RANBP3: variants seen among roughly 807,000 people sequenced by gnomAD.
The protein encoded by RANBP3 is ran-binding protein 3.
In RANBP3, 14 loss-of-function variants were observed where a neutral mutation model predicts 77.3. The observed-to-expected ratio is 0.18, with a 90% CI of 0.12 to 0.28. The LOEUF is 0.28. Among genes scored for constraint, RANBP3 ranks in the 10% least tolerant of loss-of-function variants. The pLI is 1.00. For synonymous variants in RANBP3, 315 were observed against 312.4 expected, an observed-to-expected ratio of 1.01 and a Z score of -0.09; for missense variants, 586 against 752.3, an observed-to-expected ratio of 0.78 and a Z score of 2.59.
intron 2 of RANBP3, among the ~76,000 whole-genome samples, chr19:5,954,896 A>G (rs953549277): frequency 6.6e-6 from 1 of 152,166 alleles, no homozygotes; most frequent in East Asian, 1.9e-4. Context: ...AAAGGACTCT[A>G]GGGCCATGTG....
At chr19:5,975,561 A>G (rs957247010) in intron 1 of RANBP3, among the ~76,000 whole-genome samples, 1 of 150,796 alleles carries the variant, frequency 6.6e-6, no homozygotes, top group Non-Finnish European at 1.5e-5. Flanking sequence ...TGTGCCAGGC[A>G]CCGTTCTAGA....
chr19:5,960,009 C>A (rs2058380364), intron 1 of RANBP3, among the ~76,000 whole-genome samples: 1 of 152,160 alleles, frequency 6.6e-6, no homozygotes, highest in African/African-American at 2.4e-5. Flanking sequence ...TAACACATGG[C>A]ACATGAACAA....
At chr19:5,929,025 G>T (rs2057951666) in intron 8 of RANBP3, among the ~76,000 whole-genome samples, 1 of 152,170 alleles carries the variant, frequency 6.6e-6, no homozygotes, top group Non-Finnish European at 1.5e-5. Context: ...GAACTCGGAG[G>T]TGAGAAAGGC....
At chr19:5,966,776 T>C (rs1159121012) in intron 1 of RANBP3, among the ~76,000 whole-genome samples, 2 of 152,216 alleles carry the variant, frequency 1.3e-5, no homozygotes, top group Admixed American at 1.3e-4. Flanking sequence ...ATGACTCCAA[T>C]ACCTGCCAAG....
In RANBP3 at chr19:5,959,490, T is replaced by G. The variant is rs561175348; in HGVS notation, c.23-1517A>C. ...AAGCCTCGGCACACCAGGGTCTGAT[T>G]CACCGTGTACAGCCAAGGCAAACAC... On this transcript the variant is annotated intron_variant, in intron 1 of 16. Coordinates refer to ENST00000340578, the MANE Select transcript of RANBP3 (RefSeq NM_007322.3). The surrounding 1 kb of genome is among the most constrained non-coding windows in gnomAD (Gnocchi z 5.1). Among the ~76,000 whole-genome samples the G allele has an allele frequency of 6.6e-6, 1 of 152,080 alleles. No homozygotes were observed. The highest frequency in any genetic ancestry group is 2.0e-4 in the East Asian group (1 of 5,126).
At chr19:5,935,317 G>A (rs1195662639) in intron 5 of RANBP3, among the ~76,000 whole-genome samples, 1 of 152,192 alleles carries the variant, frequency 6.6e-6, no homozygotes, top group East Asian at 1.9e-4. Context: ...AGCAGAGCTG[G>A]TGCCTCTCCC....
intron 3 of RANBP3, 106 bp downstream of exon 3, chr19:5,951,287 G>C: frequency 9.6e-7 from 1 of 1,044,816 alleles, no homozygotes; most frequent in Non-Finnish European, 1.4e-6. Flanking sequence ...ACCATTAGCT[G>C]CTTACAATTA....
intron 3 of RANBP3, among the ~76,000 whole-genome samples, chr19:5,942,883 C>T (rs565146646): frequency 2.0e-5 from 3 of 151,996 alleles, no homozygotes; most frequent in Non-Finnish European, 4.4e-5. Flanking sequence ...TAAAAATCAG[C>T]TGGGCAGGGG....
At chr19:5,960,563 C>G (rs1270281644) in intron 1 of RANBP3, among the ~76,000 whole-genome samples, 1 of 152,166 alleles carries the variant, frequency 6.6e-6, no homozygotes, top group Non-Finnish European at 1.5e-5. Flanking sequence ...GTACTTGGCA[C>G]ACTTTATGGA....
chr19:5,951,304 G>T, intron 3 of RANBP3, 89 bp downstream of exon 3: 2 of 1,211,918 alleles, frequency 1.7e-6, no homozygotes, highest in Non-Finnish European at 2.4e-6. Flanking sequence ...ATTAGCTAGG[G>T]CCAGGATCTG....
At chr19:5,941,856 C>T in intron 3 of RANBP3, 21 bp from the exon 4 acceptor site, 3 of 1,612,066 alleles carry the variant, frequency 1.9e-6, no homozygotes, top group Non-Finnish European at 2.5e-6. Flanking sequence ...GAGCACACAG[C>T]CGGGGTCAGA....
chr19:5,920,972 TAA>T (rs376323427), intron 14 of RANBP3: 26 of 387,464 alleles, frequency 6.7e-5, no homozygotes, highest in African/African-American at 5.0e-4. Flanking sequence ...ATTTTGACAC[TAA>T]GAGGGTCACG....
intron 1 of RANBP3, among the ~76,000 whole-genome samples, chr19:5,977,547 C>T (rs950661868): frequency 2.6e-5 from 4 of 152,116 alleles, no homozygotes; most frequent in Non-Finnish European, 4.4e-5. Flanking sequence ...GGGGTGAAAA[C>T]GGCCTGGGCT....
chr19:5,968,976 G>T (rs201122544), intron 1 of RANBP3, among the ~76,000 whole-genome samples: 1 of 152,216 alleles, frequency 6.6e-6, no homozygotes, highest in African/African-American at 2.4e-5. Context: ...GTGAGTGAAT[G>T]GGTAAGGCCT....
At chr19:5,928,316 G>A in intron 8 of RANBP3, 1 of 384,028 alleles carries the variant, frequency 2.6e-6, no homozygotes, top group Admixed American at 4.5e-5. Context: ...GCAAAAACCT[G>A]TCTCCAAACA....
intron 6 of RANBP3, 158 bp downstream of exon 6, chr19:5,933,256 A>T (rs144140155): frequency 5.2e-6 from 3 of 581,460 alleles, no homozygotes; most frequent in Admixed American, 6.9e-5. Context: ...CCCTGCTCAG[A>T]CAGCCTCTCT....
intron 1 of RANBP3, among the ~76,000 whole-genome samples, chr19:5,967,702 A>C (rs2058484188): frequency 6.6e-6 from 1 of 152,162 alleles, no homozygotes; most frequent in Admixed American, 6.5e-5. Flanking sequence ...CCATAAAGTT[A>C]TACAAAGTCA....
At chr19:5,953,072 G>T (rs1244956116) in intron 2 of RANBP3, among the ~76,000 whole-genome samples, 1 of 152,220 alleles carries the variant, frequency 6.6e-6, no homozygotes, top group Admixed American at 6.5e-5. Context: ...AATTCAAAAT[G>T]CTAAACAGGA....
At chr19:5,922,450 C>T (rs2057834857) in intron 13 of RANBP3, among the ~76,000 whole-genome samples, 1 of 152,158 alleles carries the variant, frequency 6.6e-6, no homozygotes, top group African/African-American at 2.4e-5. Context: ...GGATGCTGCC[C>T]AAGCCGGGTG....
Sources: gnomAD v4.1 joint callset for allele counts (sites outside exome capture counted in the v4.1 genomes callset) on GRCh38, gnomAD v4.1.1 for gene constraint, Gnocchi (gnomAD v3.1) non-coding constraint, MANE v1.5 for transcripts, NCBI Gene and HGNC (gene_info 2026-07-23, HGNC 2026-07-21) for gene names.